Variants in NEK11 observed in about 807,000 individuals in gnomAD.
NEK11 encodes serine/threonine-protein kinase Nek11.
In NEK11, 72 loss-of-function variants were observed where a neutral mutation model predicts 80.7. That is an observed-to-expected ratio of 0.89 (90% CI 0.74 to 1.08). The LOEUF is 1.08. Among genes scored for constraint, NEK11 ranks in the 50% least tolerant of loss-of-function variants. NEK11 has a pLI of 0.00. For missense variants in NEK11, 764 were observed against 763.6 expected (o/e 1.00, Z -0.01); for synonymous variants, 251 against 260.7 (o/e 0.96, Z 0.36).
At position 131,194,000 on chromosome 3, in the gene NEK11, A is replaced by G. The variant is rs186468214; in HGVS notation, c.1399+23113A>G. On this transcript the variant is annotated intron_variant, in intron 14 of 17. Coordinates refer to ENST00000383366, the MANE Select transcript of NEK11 (RefSeq NM_024800.5). ...GGAAAGCTGTAGTATCAGCAAATGC[A>G]ATCAACACATTACAGCAAGTTGATT... 2.2e-3 allele frequency among the ~76,000 whole-genome samples: 341 copies of G among 152,350 alleles called. 6 individuals are homozygous for G. Among genetic ancestry groups the G allele is most frequent in the Non-Finnish European group, 4.9e-4 (33 of 68,032 alleles).
intron 14 of NEK11, among the ~76,000 whole-genome samples, chr3:131,203,872 G>C (rs1266092640): frequency 7.0e-6 from 1 of 143,810 alleles, no homozygotes; most frequent in Non-Finnish European, 1.5e-5. Context: ...CATAGCCCTT[G>C]TTTCAGTAAA....
chr3:131,215,294 G>C (rs1028330937), intron 14 of NEK11, among the ~76,000 whole-genome samples: 2 of 140,512 alleles, frequency 1.4e-5, no homozygotes, highest in Admixed American at 1.4e-4. Context: ...GAGGGGGAAG[G>C]GATAGCATTA....
intron 3 of NEK11, among the ~76,000 whole-genome samples, chr3:131,079,187 G>C (rs565508205): frequency 6.6e-6 from 1 of 152,256 alleles, no homozygotes; most frequent in Non-Finnish European, 1.5e-5. Context: ...GCATTAGCAG[G>C]CTTGGGAATA....
intron 16 of NEK11, among the ~76,000 whole-genome samples, chr3:131,258,028 G>A (rs2095847526): frequency 6.6e-6 from 1 of 152,120 alleles, no homozygotes; most frequent in African/African-American, 2.4e-5. Context: ...AACCTGGATA[G>A]AGTTAGAGGG....
intron 5 of NEK11, among the ~76,000 whole-genome samples, chr3:131,116,230 G>A (rs996852051): frequency 6.6e-6 from 1 of 151,828 alleles, no homozygotes; most frequent in East Asian, 1.9e-4. Flanking sequence ...GCAGTGTTTG[G>A]TTTTCTGTCC....
At chr3:131,049,078 A>G (rs1293626520) in intron 3 of NEK11, among the ~76,000 whole-genome samples, 2 of 152,202 alleles carry the variant, frequency 1.3e-5, no homozygotes, top group Admixed American at 6.5e-5. Context: ...TTAATAGTAC[A>G]TACAATAACA....
chr3:131,290,969 T>C (rs1354036663), intron 17 of NEK11, among the ~76,000 whole-genome samples: 4 of 152,332 alleles, frequency 2.6e-5, no homozygotes, highest in Admixed American at 2.6e-4. Context: ...TACAGTTAAC[T>C]TTAAGGCTCA....
At chr3:131,280,701 C>A (rs548006029) in intron 17 of NEK11, among the ~76,000 whole-genome samples, 1 of 152,248 alleles carries the variant, frequency 6.6e-6, no homozygotes, top group South Asian at 2.1e-4. Flanking sequence ...ATTTTGATGT[C>A]TTTGACATTG....
intron 16 of NEK11, among the ~76,000 whole-genome samples, chr3:131,258,706 T>G (rs1466137981): frequency 6.6e-6 from 1 of 152,232 alleles, no homozygotes; most frequent in African/African-American, 2.4e-5. Flanking sequence ...TCCTTAACTC[T>G]TGTTGTTTTT....
At chr3:131,347,481 G>A (rs374636283) in intron 17 of NEK11, among the ~76,000 whole-genome samples, 7 of 152,062 alleles carry the variant, frequency 4.6e-5, no homozygotes, top group East Asian at 1.9e-4. Flanking sequence ...GCCACAATAC[G>A]TAACACATAT....
intron 4 of NEK11, among the ~76,000 whole-genome samples, chr3:131,094,975 C>G (rs2077228192): frequency 6.6e-6 from 1 of 152,100 alleles, no homozygotes; most frequent in Admixed American, 6.6e-5. Context: ...CAGGAAGGAC[C>G]AAGCAACTGT....
At position 131,080,591 on chromosome 3, in the gene NEK11, G is replaced by A. The variant is rs1435697851; in HGVS notation, c.336+3G>A. On this transcript the variant is annotated splice_donor_region_variant and intron_variant, in intron 4 of 17. Transcript: ENST00000383366. ...GCATTATCACGGAGTACTGTGAGGT[G>A]AGACTCTCCTTTTCTCTTGGAAGTC... 1 of 1,601,356 alleles carries A rather than the reference G, an allele frequency of 6.2e-7. No individual in the cohort carries two copies. The highest frequency in any genetic ancestry group is 1.8e-5 in the Admixed American group (1 of 56,332).
intron 17 of NEK11, among the ~76,000 whole-genome samples, chr3:131,320,858 A>G (rs1411385004): frequency 6.6e-6 from 1 of 152,214 alleles, no homozygotes; most frequent in African/African-American, 2.4e-5. Context: ...GATGACACAA[A>G]CAAATACAAA....
chr3:131,193,087 A>G (rs1215548134), intron 14 of NEK11, among the ~76,000 whole-genome samples: 2 of 152,230 alleles, frequency 1.3e-5, no homozygotes, highest in East Asian at 3.8e-4. Flanking sequence ...TAAAAATAAC[A>G]GTAATAAATC....
intron 4 of NEK11, among the ~76,000 whole-genome samples, chr3:131,097,490 G>A (rs1394761011): frequency 6.6e-6 from 1 of 152,154 alleles, no homozygotes; most frequent in Non-Finnish European, 1.5e-5. Flanking sequence ...GGCCAGTGAT[G>A]ATGAGCATTT....
intron 4 of NEK11, among the ~76,000 whole-genome samples, chr3:131,102,591 C>T (rs2078552909): frequency 1.3e-5 from 2 of 152,212 alleles, no homozygotes; most frequent in Non-Finnish European, 2.9e-5. Flanking sequence ...TGACTTTTCT[C>T]TCTTCCTTTA....
intron 3 of NEK11, among the ~76,000 whole-genome samples, chr3:131,047,912 G>T (rs991054977): frequency 2.6e-5 from 4 of 152,154 alleles, no homozygotes; most frequent in African/African-American, 9.7e-5. Flanking sequence ...GCAAGGTTAG[G>T]TGTGTCTGAG....
At chr3:131,198,247 A>G (rs533719657) in intron 14 of NEK11, among the ~76,000 whole-genome samples, 22 of 152,114 alleles carry the variant, frequency 1.4e-4, no homozygotes, top group Non-Finnish European at 2.8e-4. Flanking sequence ...TTTTTCTACA[A>G]AGGAACTTCC....
chr3:131,087,135 C>T (rs2076085023), intron 4 of NEK11, among the ~76,000 whole-genome samples: 1 of 152,098 alleles, frequency 6.6e-6, no homozygotes, highest in Non-Finnish European at 1.5e-5. Context: ...TTTCCTCCCT[C>T]CGGCTGTTTT....
Sources: allele counts gnomAD v4.1 joint callset (sites outside exome capture counted in the v4.1 genomes callset), GRCh38; gene constraint gnomAD v4.1.1; transcripts MANE v1.5; gene names NCBI Gene and HGNC (gene_info 2026-07-23, HGNC 2026-07-21).